The following PPP2CB variants were observed in gnomAD, a reference collection of about 807,000 sequenced individuals.
The protein encoded by PPP2CB is protein phosphatase 2 catalytic subunit beta, also known as serine/threonine-protein phosphatase 2A catalytic subunit beta isoform.
PPP2CB carries 18 observed loss-of-function variants against 39.1 expected under a neutral mutation model. The observed-to-expected ratio is 0.46, with a 90% CI of 0.32 to 0.68. The LOEUF is 0.68. Ranked by LOEUF, PPP2CB falls within the 30% of genes least tolerant of loss-of-function variation. The probability of loss-of-function intolerance (pLI) is 0.04; values close to 1 mark genes in which losing one functional copy is unlikely to be tolerated. For missense variants in PPP2CB, 226 were observed against 396.9 expected (o/e 0.57, Z 3.66); for synonymous variants, 129 against 133.8 (o/e 0.96, Z 0.25).
intron 1 of PPP2CB, among the ~76,000 whole-genome samples, chr8:30,809,757 A>G (rs761888341): frequency 9.9e-5 from 15 of 152,246 alleles, no homozygotes; most frequent in Non-Finnish European, 1.6e-4. Flanking sequence ...CCTGGGCAAC[A>G]CGGTGAGACC....
At chr8:30,802,728 C>T (rs1252471213) in intron 1 of PPP2CB, among the ~76,000 whole-genome samples, 2 of 152,080 alleles carry the variant, frequency 1.3e-5, no homozygotes, top group African/African-American at 4.8e-5. Context: ...AAACAAATTC[C>T]AGATGGCAGT....
chr8:30,812,429 C>A lies in PPP2CB; in HGVS notation c.-8G>T. 3 of 1,521,050 alleles carry A rather than the reference C, an allele frequency of 2.0e-6. No homozygotes were observed. Among genetic ancestry groups the A allele is most frequent in the Non-Finnish European group, 2.7e-6 (3 of 1,131,128 alleles). 94.2% of individuals were successfully genotyped at this position (1,521,050 alleles called of 1,614,324 possible). ...GAACGCCTTGTCGTCCATGGCGGCC[C>A]GATCCCGATGCGGATCCCGAGCCCC... On this transcript the variant is annotated 5_prime_UTR_variant, in exon 1 of 7. Transcript: ENST00000221138.
At chr8:30,790,944 G>A (rs987397227) in intron 6 of PPP2CB, 11 of 329,462 alleles carry the variant, frequency 3.3e-5, no homozygotes, top group East Asian at 7.4e-5. Flanking sequence ...CACAGACTAC[G>A]GCTATTATTA....
intron 6 of PPP2CB, among the ~76,000 whole-genome samples, chr8:30,787,366 G>A (rs988211355): frequency 1.3e-5 from 2 of 152,172 alleles, no homozygotes; most frequent in African/African-American, 4.8e-5. Context: ...TTGAGACAGG[G>A]TCTCACTCTG....
At chr8:30,811,560 C>T (rs1586130142) in intron 1 of PPP2CB, among the ~76,000 whole-genome samples, 1 of 147,848 alleles carries the variant, frequency 6.8e-6, no homozygotes, top group East Asian at 2.0e-4. Context: ...GGCGCGATCT[C>T]GACTCACTGC....
At chr8:30,798,274 G>A (rs1034186973) in intron 2 of PPP2CB, among the ~76,000 whole-genome samples, 3 of 152,136 alleles carry the variant, frequency 2.0e-5, no homozygotes, top group African/African-American at 7.2e-5. Context: ...TGTATTAATA[G>A]TTTCCTTTCT....
At chr8:30,806,794 G>A (rs757428099) in intron 1 of PPP2CB, among the ~76,000 whole-genome samples, 8 of 152,054 alleles carry the variant, frequency 5.3e-5, no homozygotes, top group Non-Finnish European at 7.4e-5. Flanking sequence ...AGGCACACAC[G>A]GCAATAAAAG....
rs546094245 is a variant in PPP2CB at position 30,806,821 on chromosome 8, A to G, written c.102+5499T>C. On this transcript the variant is annotated intron_variant, in intron 1 of 6. Coordinates refer to ENST00000221138, the MANE Select transcript of PPP2CB (RefSeq NM_001009552.2). ...CAATAAAAGCAGGCAATGAAAAGAA[A>G]TTTTACATTGCAAATATCTTCACTT... Among the ~76,000 whole-genome samples the G allele has an allele frequency of 3.3e-5, 5 of 152,342 alleles. No homozygotes were observed. In the East Asian group the frequency reaches 9.6e-4, roughly 29 times the overall value.
intron 1 of PPP2CB, among the ~76,000 whole-genome samples, chr8:30,804,645 CA>C (rs1393306885): frequency 2.6e-5 from 4 of 152,088 alleles, no homozygotes; most frequent in Non-Finnish European, 5.9e-5. Flanking sequence ...TTTCGGAACC[CA>C]CTGAACTAGT....
In PPP2CB at chr8:30,798,725, A is replaced by G. The variant is rs77561236; in HGVS notation, c.312+821T>C. 2.8e-4 allele frequency among the ~76,000 whole-genome samples: 42 copies of G among 152,366 alleles called. No homozygotes were observed. The East Asian group carries it at 7.1e-3, about 26-fold the overall frequency. On this transcript the variant is annotated intron_variant, in intron 2 of 6. Transcript: ENST00000221138. ...CCTCACTAAGGACATATGTAAAATA[A>G]TAAGTAATAGAAGGCAATAAGCCAC...
rs1447781307 is a variant in PPP2CB at position 30,787,033 on chromosome 8, G to A, written c.858-726C>T. ...CCAATTATTTTTGTGCCTCTATTGAGATGATCATGTGTTTTTTAATCCCTT... is the reference window on the plus strand; with the variant it reads ...CCAATTATTTTTGTGCCTCTATTGAAATGATCATGTGTTTTTTAATCCCTT... On this transcript the variant is annotated intron_variant, in intron 6 of 6. Coordinates refer to ENST00000221138, the MANE Select transcript of PPP2CB (RefSeq NM_001009552.2). Among the ~76,000 whole-genome samples, 3 of 152,174 alleles carry A rather than the reference G, an allele frequency of 2.0e-5. No individual in the cohort carries two copies. The East Asian group carries it at 5.8e-4, about 29-fold the overall frequency.
chr8:30,811,971 A>T (rs1806838177), intron 1 of PPP2CB, among the ~76,000 whole-genome samples: 1 of 152,216 alleles, frequency 6.6e-6, no homozygotes. Context: ...GGGAAATGCT[A>T]GAGTGGCAGG....
At chr8:30,809,048 G>C (rs1420166463) in intron 1 of PPP2CB, among the ~76,000 whole-genome samples, 1 of 149,744 alleles carries the variant, frequency 6.7e-6, no homozygotes, top group Non-Finnish European at 1.5e-5. Context: ...CTCCCAAGTA[G>C]CTGGGAGTGC....
At chr8:30,806,005 G>A (rs1157551501) in intron 1 of PPP2CB, among the ~76,000 whole-genome samples, 2 of 151,824 alleles carry the variant, frequency 1.3e-5, no homozygotes, top group Non-Finnish European at 2.9e-5. Context: ...GAAAGGAAAC[G>A]GAATCTGTAA....
chr8:30,799,298 C>T (rs904571106), intron 2 of PPP2CB, among the ~76,000 whole-genome samples: 4 of 152,150 alleles, frequency 2.6e-5, no homozygotes, highest in East Asian at 1.9e-4. Context: ...CTCAATATAA[C>T]GGATAAGTGA....
chr8:30,790,754 A>G (rs1586120845), intron 6 of PPP2CB, among the ~76,000 whole-genome samples: 1 of 152,060 alleles, frequency 6.6e-6, no homozygotes, highest in Non-Finnish European at 1.5e-5. Context: ...AGACTAGGAG[A>G]GGTGAGATAT....
chr8:30,799,134 G>A (rs1806574783), intron 2 of PPP2CB, among the ~76,000 whole-genome samples: 1 of 152,146 alleles, frequency 6.6e-6, no homozygotes, highest in Non-Finnish European at 1.5e-5. Flanking sequence ...CGTATGCCAG[G>A]TGGATTTGGG....
intron 1 of PPP2CB, 33 bp downstream of exon 1, chr8:30,812,287 G>GCGCTCCCGCACT (rs1222939537): frequency 3.4e-6 from 5 of 1,457,162 alleles, no homozygotes; most frequent in African/African-American, 2.9e-5. Flanking sequence ...TCCCAGCCCC[G>GCGCTCCCGCACT]CGCTCCCGCA....
intron 1 of PPP2CB, among the ~76,000 whole-genome samples, chr8:30,810,469 A>G (rs1314456002): frequency 6.6e-6 from 1 of 152,222 alleles, no homozygotes; most frequent in Non-Finnish European, 1.5e-5. Context: ...AATAAAACAA[A>G]AAAAGGAAGT....
Sources: allele counts gnomAD v4.1 joint callset (sites outside exome capture counted in the v4.1 genomes callset), GRCh38; gene constraint gnomAD v4.1.1; transcripts MANE v1.5; gene names NCBI Gene and HGNC (gene_info 2026-07-23, HGNC 2026-07-21).